Variants in TTC13 observed in about 807,000 individuals in gnomAD.
TTC13 encodes tetratricopeptide repeat protein 13.
A neutral mutation model predicts 120.0 loss-of-function variants in TTC13; 62 were observed. The ratio of observed to expected loss-of-function variants is 0.52; its 90% CI spans 0.42 to 0.64. The LOEUF is 0.64. TTC13 is among the 30% of genes least tolerant of loss of function. The pLI is 0.00. For missense variants in TTC13, 824 were observed against 1,050.2 expected, an observed-to-expected ratio of 0.78 and a Z score of 2.98; for synonymous variants, 384 against 393.5, an observed-to-expected ratio of 0.98 and a Z score of 0.28.
intron 8 of TTC13, among the ~76,000 whole-genome samples, chr1:230,937,833 G>A (rs752593716): frequency 1.3e-5 from 2 of 152,214 alleles, no homozygotes; most frequent in Non-Finnish European, 2.9e-5. Flanking sequence ...ACTCCAAGAG[G>A]CAGAAAGTAG....
intron 4 of TTC13, among the ~76,000 whole-genome samples, chr1:230,949,534 G>A (rs944634263): frequency 4.0e-5 from 6 of 150,874 alleles, no homozygotes; most frequent in Non-Finnish European, 8.8e-5. Flanking sequence ...GCCCTCGCAC[G>A]GGCCTCCCCT....
chr1:230,949,054 T>C (rs1044658608), intron 4 of TTC13, among the ~76,000 whole-genome samples: 2 of 152,082 alleles, frequency 1.3e-5, no homozygotes, highest in Non-Finnish European at 2.9e-5. Context: ...CATTCCACAA[T>C]TATTTACTCA....
At chr1:230,916,373 T>A in intron 17 of TTC13, 71 bp from the exon 18 acceptor site, 3 of 1,099,548 alleles carry the variant, frequency 2.7e-6, no homozygotes, top group Non-Finnish European at 4.2e-6. Context: ...AACTCTGTAG[T>A]GCTGGCTCTA....
chr1:230,908,361 A>G (rs1018125770), intron 22 of TTC13: 1 of 454,920 alleles, frequency 2.2e-6, no homozygotes, highest in African/African-American at 2.0e-5. Context: ...CTAATTTTAA[A>G]TTTTTTTGTA....
In TTC13 at chr1:230,978,748, A is replaced by T; in HGVS notation, c.83T>A (p.Leu28Gln). The T allele has an allele frequency of 2.0e-6, 3 of 1,501,454 alleles. No homozygotes were observed. Among genetic ancestry groups the T allele is most frequent in the Non-Finnish European group, 2.6e-6 (3 of 1,133,506 alleles). 93.0% of individuals were successfully genotyped at this position (1,501,454 alleles called of 1,614,324 possible). A position where few individuals can be genotyped will look rare whatever the true frequency, so the allele number is the denominator to read the frequency against. Reference sequence around the variant, plus strand: ...GGACAGGACCCCCAGCAGCAGCAGCAGCAGGACACGCCGGGCGGCGCCCGC... The same window carrying T: ...GGACAGGACCCCCAGCAGCAGCAGCTGCAGGACACGCCGGGCGGCGCCCGC... ...AAAGAARRVL[L>Q]LLLLGVLSAG... Residue 28 changes from leucine (L) to glutamine (Q), a missense_variant, in exon 1 of 23, where the codon CTG becomes CAG. Around this residue, in one of 4 missense-constraint regions of TTC13, gnomAD observed 160 missense variants for 137.2 expected, o/e 1.17. Transcript: ENST00000366661. This position sits in a 1 kb window ranked among gnomAD's most constrained non-coding sequence, Gnocchi z 5.6.
intron 1 of TTC13, among the ~76,000 whole-genome samples, chr1:230,966,828 G>A (rs551508709): frequency 6.6e-6 from 1 of 152,316 alleles, no homozygotes; most frequent in East Asian, 1.9e-4. Context: ...GGAACCTGCA[G>A]TAATCATCCT....
intron 18 of TTC13, among the ~76,000 whole-genome samples, chr1:230,913,508 C>T (rs1353457772): frequency 6.6e-6 from 1 of 152,036 alleles, no homozygotes; most frequent in Admixed American, 6.5e-5. Flanking sequence ...TACTGGTATG[C>T]ACCTGTAGTT....
At chr1:230,965,881 G>C (rs75521170) in intron 1 of TTC13, among the ~76,000 whole-genome samples, 8,272 of 152,164 alleles carry the variant, frequency 0.054, 442 homozygotes, top group African/African-American at 0.14. Context: ...GAACACCTGG[G>C]CTCAAGCAAT....
intron 19 of TTC13, 83 bp from the exon 20 acceptor site, chr1:230,911,632 A>G (rs950225845): frequency 3.7e-6 from 3 of 816,518 alleles, no homozygotes; most frequent in Non-Finnish European, 5.5e-6. Flanking sequence ...CACAAGAATA[A>G]TCTACATCAA....
intron 18 of TTC13, among the ~76,000 whole-genome samples, 161 bp downstream of exon 18, chr1:230,916,032 A>T (rs1045594570): frequency 1.3e-5 from 2 of 152,122 alleles, no homozygotes; most frequent in Non-Finnish European, 2.9e-5. Flanking sequence ...TAGATGTCAC[A>T]TTTTTTTAAA....
At position 230,920,504 on chromosome 1, in the gene TTC13, A is replaced by C. The variant is rs1019830796; in HGVS notation, c.1983+6T>G. 5.6e-6 allele frequency: 9 copies of C among 1,607,402 alleles called. No homozygotes were observed. The highest frequency in any genetic ancestry group is 7.7e-6 in the Non-Finnish European group (9 of 1,175,018). On this transcript the variant is annotated splice_donor_region_variant and intron_variant, in intron 17 of 22. Coordinates refer to ENST00000366661, the MANE Select transcript of TTC13 (RefSeq NM_024525.5). ...ACATGGACTGCCATTCTGATGCTAA[A>C]GTTACCTTCATAATCGGAAGAAGGT...
intron 17 of TTC13, among the ~76,000 whole-genome samples, chr1:230,916,919 G>C (rs919857814): frequency 1.3e-5 from 2 of 152,126 alleles, no homozygotes; most frequent in African/African-American, 4.8e-5. Context: ...AAACATTTGG[G>C]ACAAACCTGC....
In TTC13 at chr1:230,962,071, G is replaced by A. The variant is rs947244403; in HGVS notation, c.272-768C>T. 9.9e-5 allele frequency among the ~76,000 whole-genome samples: 15 copies of A among 152,206 alleles called. No homozygotes were observed. In the South Asian group the frequency reaches 2.5e-3, roughly 25 times the overall value. On this transcript the variant is annotated intron_variant, in intron 1 of 22. Transcript: ENST00000366661. ...ACTAAAATACAAAAATTAGCCAGGC[G>A]TGGTGGCAGGTGCCTGTAATCCCAG...
chr1:230,958,927 C>A (rs182911595), intron 2 of TTC13, among the ~76,000 whole-genome samples: 1 of 152,230 alleles, frequency 6.6e-6, no homozygotes, highest in Admixed American at 6.5e-5. Context: ...CCCGGGAGGT[C>A]GAGGCTGCAG....
chr1:230,911,342 T>G (rs1671479750), intron 20 of TTC13, 128 bp downstream of exon 20: 2 of 576,268 alleles, frequency 3.5e-6, no homozygotes, highest in Non-Finnish European at 5.8e-6. Context: ...GTGCAGATTT[T>G]GGAAAAAAAT....
At chr1:230,935,597 G>A (rs531501872) in intron 8 of TTC13, among the ~76,000 whole-genome samples, 7 of 152,104 alleles carry the variant, frequency 4.6e-5, no homozygotes, top group Non-Finnish European at 1.0e-4. Context: ...CAGTGGAGAG[G>A]GAAAAGATGG....
intron 2 of TTC13, among the ~76,000 whole-genome samples, chr1:230,960,700 T>C (rs148013737): frequency 2.6e-5 from 4 of 151,974 alleles, no homozygotes; most frequent in Non-Finnish European, 5.9e-5. Context: ...GAAAGAACAA[T>C]CAGCTTCATA....
chr1:230,935,010 G>C (rs539164834), intron 8 of TTC13, among the ~76,000 whole-genome samples: 1 of 152,316 alleles, frequency 6.6e-6, no homozygotes, highest in African/African-American at 2.4e-5. Flanking sequence ...AGACAGGCTG[G>C]TGTGCAAACT....
At chr1:230,965,760 C>T (rs560830757) in intron 1 of TTC13, among the ~76,000 whole-genome samples, 1 of 152,216 alleles carries the variant, frequency 6.6e-6, no homozygotes, top group Non-Finnish European at 1.5e-5. Context: ...CAGCATTGAC[C>T]TCAGCATCCC....
Sources: gnomAD v4.1 joint callset for allele counts (sites outside exome capture counted in the v4.1 genomes callset) on GRCh38, gnomAD v4.1.1 for gene constraint, gnomAD v4.1.1 regional missense constraint, Gnocchi (gnomAD v3.1) non-coding constraint, MANE v1.5 for transcripts, NCBI Gene and HGNC (gene_info 2026-07-23, HGNC 2026-07-21) for gene names.